PRXL2A: variants seen among roughly 807,000 people sequenced by gnomAD.
PRXL2A encodes peroxiredoxin-like 2A.
A neutral mutation model predicts 25.6 loss-of-function variants in PRXL2A; 26 were observed. The observed-to-expected ratio is 1.02, with a 90% CI of 0.74 to 1.41. The LOEUF is 1.41. Among genes scored for constraint, PRXL2A ranks in the 40% most tolerant of loss-of-function variants. The pLI, the probability that PRXL2A is intolerant of heterozygous loss-of-function variation, is 0.00. For synonymous variants in PRXL2A, 98 were observed against 102.9 expected, an observed-to-expected ratio of 0.95 and a Z score of 0.29; for missense variants, 246 against 273.9, an observed-to-expected ratio of 0.90 and a Z score of 0.72.
chr10:80,424,484 C>T (rs1264534412), intron 3 of PRXL2A, among the ~76,000 whole-genome samples: 6 of 147,554 alleles, frequency 4.1e-5, no homozygotes, highest in South Asian at 2.2e-4. Flanking sequence ...TTCAGGAGGC[C>T]GAGGGAGGAA....
intron 5 of PRXL2A, among the ~76,000 whole-genome samples, chr10:80,430,948 G>GGC (rs1845234307): frequency 6.6e-6 from 1 of 152,174 alleles, no homozygotes; most frequent in Admixed American, 6.5e-5. Flanking sequence ...GGAGTGCAGT[G>GGC]GCGCGATCTC....
intron 1 of PRXL2A, among the ~76,000 whole-genome samples, chr10:80,411,196 CAG>C (rs1844466992): frequency 6.6e-6 from 1 of 152,210 alleles, no homozygotes; most frequent in African/African-American, 2.4e-5. Context: ...CAAGGATGGA[CAG>C]AGTCTTGTTA....
At chr10:80,415,887 A>G (rs1046331970) in intron 1 of PRXL2A, among the ~76,000 whole-genome samples, 5 of 152,110 alleles carry the variant, frequency 3.3e-5, no homozygotes, top group African/African-American at 1.2e-4. Context: ...GGGGCCCTGG[A>G]CTTTGTGAAT....
At chr10:80,427,703 A>G (rs1372644438) in intron 5 of PRXL2A, among the ~76,000 whole-genome samples, 1 of 152,116 alleles carries the variant, frequency 6.6e-6, no homozygotes, top group South Asian at 2.1e-4. Context: ...ACTTGAATCT[A>G]CTCACTCATC....
chr10:80,420,122 G>A, intron 1 of PRXL2A: 1 of 998,778 alleles, frequency 1.0e-6, no homozygotes, highest in South Asian at 4.6e-5. Flanking sequence ...TGCCTACAGG[G>A]GACATAGCTC....
Position 80,432,461 on chromosome 10 carries a change from C to T in PRXL2A, c.*362C>T, listed in dbSNP as rs974347767. ...TTCGAGACCAGCCTGAGCAACATGG[C>T]GAAACCCCGTCTCTACTAAAAATAC... On this transcript the variant is annotated 3_prime_UTR_variant, in exon 6 of 6. Coordinates refer to ENST00000606162, the MANE Select transcript of PRXL2A (RefSeq NM_032333.5). 4.1e-4 allele frequency: 68 copies of T among 167,468 alleles called. No homozygotes were observed. The highest frequency in any genetic ancestry group is 1.4e-3 in the African/African-American group (59 of 41,662). The allele number at this position is 167,468 out of a possible 1,614,324, so 10.4% of individuals were successfully genotyped here. A position where few individuals can be genotyped will look rare whatever the true frequency, so the allele number is the denominator to read the frequency against.
Position 80,432,204 on chromosome 10 carries a change from C to T in PRXL2A, c.*105C>T. On this transcript the variant is annotated 3_prime_UTR_variant, in exon 6 of 6. Transcript: ENST00000606162. ...CTAAGGAGTGAGAAACCCATTTATA[C>T]TCTACTCTCAGTATGGATTATTAAT... 1.5e-6 allele frequency: 1 copy of T among 673,108 alleles called. No homozygotes were observed. The highest frequency in any genetic ancestry group is 1.9e-5 in the South Asian group (1 of 51,358). The allele number at this position is 673,108 out of a possible 1,614,324, so 41.7% of individuals were successfully genotyped here. A position where few individuals can be genotyped will look rare whatever the true frequency, so the allele number is the denominator to read the frequency against.
In PRXL2A at chr10:80,422,489, G is replaced by T. The variant is rs1315460701; in HGVS notation, c.251G>T (p.Gly84Val). 1 of 1,613,768 alleles carries T rather than the reference G, an allele frequency of 6.2e-7. No individual in the cohort carries two copies. Among genetic ancestry groups the T allele is most frequent in the Non-Finnish European group, 8.5e-7 (1 of 1,179,784 alleles). The change falls in exon 3 of 6, where the codon GGC becomes GTC. Residue 84 changes from glycine to valine, a missense_variant. Physicochemically the swap from Gly to Val is moderately radical, Grantham distance 109 (BLOSUM62 -3). Transcript: ENST00000606162. ...GTGATTATGGCCGTGCGGAGGCCAG[G>T]CTGTTTCCTCTGTCGAGAGGTGAGT... ...GAVIMAVRRPGCFLCREEAAD... is the reference protein window; with the variant it reads ...GAVIMAVRRPVCFLCREEAAD...
At chr10:80,420,386 G>A in intron 1 of PRXL2A, 80 bp from the exon 2 acceptor site, 1 of 1,508,558 alleles carries the variant, frequency 6.6e-7, no homozygotes, top group Non-Finnish European at 8.9e-7. Context: ...TGGCTGTCCT[G>A]CCAGAGCCTT....
At chr10:80,430,250 C>A (rs1490884941) in intron 5 of PRXL2A, among the ~76,000 whole-genome samples, 7 of 151,862 alleles carry the variant, frequency 4.6e-5, no homozygotes, top group Non-Finnish European at 8.8e-5. Flanking sequence ...TACAGGTACC[C>A]GCTGCCATGC....
At chr10:80,416,028 A>T (rs1844650157) in intron 1 of PRXL2A, among the ~76,000 whole-genome samples, 1 of 152,234 alleles carries the variant, frequency 6.6e-6, no homozygotes, top group Non-Finnish European at 1.5e-5. Context: ...TCATAACACA[A>T]GTCAGAAATC....
chr10:80,419,230 T>C (rs1844772042), intron 1 of PRXL2A, among the ~76,000 whole-genome samples: 1 of 152,076 alleles, frequency 6.6e-6, no homozygotes, highest in African/African-American at 2.4e-5. Context: ...GTGATTCACC[T>C]GCCTCGGCCT....
In PRXL2A at chr10:80,422,484, G is replaced by T. The variant is rs1817339082; in HGVS notation, c.246G>T (p.Arg82Ser). The T allele has an allele frequency of 6.2e-7, 1 of 1,614,034 alleles. No homozygotes were observed. Residue 82 changes from arginine to serine, a missense_variant, in exon 3 of 6, where the codon AGG (arginine) becomes AGT (serine). Transcript: ENST00000606162. ...KNGAVIMAVR[R>S]PGCFLCREEA... ...GAGCTGTGATTATGGCCGTGCGGAG[G>T]CCAGGCTGTTTCCTCTGTCGAGAGG...
rs1051324605 is a variant in PRXL2A, at chr10:80,436,666, G to A, written c.*4567G>A. 5 of 152,076 alleles carry A rather than the reference G, an allele frequency of 3.3e-5. No individual in the cohort carries two copies. The highest frequency in any genetic ancestry group is 5.9e-5 in the Non-Finnish European group (4 of 68,032). The allele number at this position is 152,076 out of a possible 1,614,324, so 9.4% of individuals were successfully genotyped here. A position where few individuals can be genotyped will look rare whatever the true frequency, so the allele number is the denominator to read the frequency against. On this transcript the variant is annotated 3_prime_UTR_variant, in exon 6 of 6. Coordinates refer to ENST00000606162, the MANE Select transcript of PRXL2A (RefSeq NM_032333.5). ...TTCTGGCTTTTCATTCTCCCCCAAG[G>A]CTACCCATAGAAACTAGAATCCCTC...
At chr10:80,411,040 G>A (rs950302039) in intron 1 of PRXL2A, among the ~76,000 whole-genome samples, 12 of 152,232 alleles carry the variant, frequency 7.9e-5, no homozygotes, top group Admixed American at 2.6e-4. Context: ...CACACCCCAA[G>A]GAGCAGGGCT....
rs551594934 is a variant in PRXL2A at position 80,422,295 on chromosome 10, T to A, written c.179-122T>A. 3 of 653,200 alleles carry A rather than the reference T, an allele frequency of 4.6e-6. No homozygotes were observed. The African/African-American group carries it at 5.4e-5, about 12-fold the overall frequency. 40.5% of individuals were successfully genotyped at this position (653,200 alleles called of 1,614,324 possible). ...TGTCTTTTCCCACGTGTGAAATGCC[T>A]GTCCAGGTCCTCTACTAGGCCGGGT... On this transcript the variant is annotated intron_variant, in intron 2 of 5. Transcript: ENST00000606162.
At position 80,417,554 on chromosome 10, in the gene PRXL2A, G is replaced by A. The variant is rs200891832; in HGVS notation, c.-2-2912G>A. ...CAAGCAGGATAAAATTCAAAGTAGC[G>A]AGTTAGAGTAAAAACAAGGTTAGGC... On this transcript the variant is annotated intron_variant, in intron 1 of 5. Coordinates refer to ENST00000606162, the MANE Select transcript of PRXL2A (RefSeq NM_032333.5). 8.5e-5 allele frequency among the ~76,000 whole-genome samples: 13 copies of A among 152,064 alleles called. No individual in the cohort carries two copies. The East Asian group carries it at 1.5e-3, about 18-fold the overall frequency.
chr10:80,430,291 A>C, intron 5 of PRXL2A, among the ~76,000 whole-genome samples: 1 of 151,924 alleles, frequency 6.6e-6, no homozygotes, highest in Non-Finnish European at 1.5e-5. Flanking sequence ...TAGTAGAGGC[A>C]GGGTGTCACC....
intron 3 of PRXL2A, among the ~76,000 whole-genome samples, chr10:80,425,599 T>C (rs1056311313): frequency 2.0e-5 from 3 of 152,184 alleles, no homozygotes; most frequent in African/African-American, 7.2e-5. Context: ...GAGGAGCGTG[T>C]GTCTGCTGGG....
Sources: gnomAD v4.1 joint callset for allele counts (sites outside exome capture counted in the v4.1 genomes callset) on GRCh38, gnomAD v4.1.1 for gene constraint, MANE v1.5 for transcripts, NCBI Gene and HGNC (gene_info 2026-07-23, HGNC 2026-07-21) for gene names.